Variants in CGNL1 observed in about 807,000 individuals in gnomAD.
CGNL1 encodes the protein cingulin like 1.
CGNL1 carries 132 observed loss-of-function variants against 141.2 expected under a neutral mutation model. The observed-to-expected ratio is 0.93, with a 90% CI of 0.81 to 1.08. CGNL1 has a LOEUF of 1.08. CGNL1 is among the 50% of genes least tolerant of loss of function. The pLI is 0.00. For missense variants in CGNL1, 1,870 were observed against 1,588.6 expected (o/e 1.18, Z -3.01); for synonymous variants, 690 against 622.1 (o/e 1.11, Z -1.63).
chr15:57,402,409 C>A (rs1315608856), intron 1 of CGNL1, among the ~76,000 whole-genome samples: 3 of 152,218 alleles, frequency 2.0e-5, no homozygotes, highest in African/African-American at 7.2e-5. Flanking sequence ...AAGTAAACCT[C>A]TTTTCTTTAT....
At chr15:57,504,817 T>C (rs1397088752) in intron 8 of CGNL1, among the ~76,000 whole-genome samples, 1 of 152,180 alleles carries the variant, frequency 6.6e-6, no homozygotes, top group African/African-American at 2.4e-5. Flanking sequence ...GGGAAGCACA[T>C]TGCATGTGCC....
At chr15:57,477,863 C>T (rs1444642217) in intron 8 of CGNL1, among the ~76,000 whole-genome samples, 1 of 152,138 alleles carries the variant, frequency 6.6e-6, no homozygotes, top group African/African-American at 2.4e-5. Flanking sequence ...GTGTACCATG[C>T]CCCTCCTGCT....
intron 8 of CGNL1, among the ~76,000 whole-genome samples, chr15:57,472,234 G>A (rs958628461): frequency 6.6e-6 from 1 of 152,054 alleles, no homozygotes; most frequent in African/African-American, 2.4e-5. Context: ...TCCAAGCAGA[G>A]GAAATAGCAT....
intron 14 of CGNL1, among the ~76,000 whole-genome samples, chr15:57,533,472 C>A (rs1352675713): frequency 6.6e-6 from 1 of 152,188 alleles, no homozygotes; most frequent in Non-Finnish European, 1.5e-5. Flanking sequence ...ATGTCAGGAT[C>A]CGCTAAACAT....
At chr15:57,436,644 G>A (rs576114641) in intron 1 of CGNL1, among the ~76,000 whole-genome samples, 1 of 152,150 alleles carries the variant, frequency 6.6e-6, no homozygotes, top group Admixed American at 6.5e-5. Flanking sequence ...AAGCGTCCAA[G>A]TCAAGGAGTC....
chr15:57,470,063 A>G (rs2063559682), intron 8 of CGNL1, among the ~76,000 whole-genome samples: 1 of 152,156 alleles, frequency 6.6e-6, no homozygotes, highest in Non-Finnish European at 1.5e-5. Context: ...TTAACTTCAA[A>G]TAATCAACTT....
At chr15:57,411,303 G>A (rs747198323) in intron 1 of CGNL1, among the ~76,000 whole-genome samples, 3 of 152,126 alleles carry the variant, frequency 2.0e-5, no homozygotes, top group African/African-American at 4.8e-5. Context: ...TCACTTGGAC[G>A]TTCTCTTGTA....
intron 3 of CGNL1, among the ~76,000 whole-genome samples, chr15:57,440,950 G>C (rs1211222936): frequency 9.9e-5 from 15 of 151,942 alleles, no homozygotes; most frequent in African/African-American, 3.1e-4. Context: ...TGCTTATCTT[G>C]GTGGTTGAGG....
intron 1 of CGNL1, among the ~76,000 whole-genome samples, chr15:57,396,280 T>TG (rs1397140294): frequency 1.9e-5 from 1 of 51,854 alleles, no homozygotes; most frequent in Non-Finnish European, 4.3e-5. Flanking sequence ...TTTCTTTGTT[T>TG]TTTTTTTTTT....
chr15:57,543,215 T>C (rs1183535390), intron 14 of CGNL1, among the ~76,000 whole-genome samples: 1 of 112,144 alleles, frequency 8.9e-6, no homozygotes, highest in Non-Finnish European at 1.8e-5. Flanking sequence ...ACCCCAATCC[T>C]CCATCTCCAC....
At chr15:57,406,848 GTATT>G (rs1237241521) in intron 1 of CGNL1, 2 of 152,248 alleles carry the variant, frequency 1.3e-5, no homozygotes, top group Non-Finnish European at 2.9e-5. Flanking sequence ...TTTCCTGAAT[GTATT>G]TATCAAAATA....
rs116702666 is a variant in CGNL1 at position 57,498,152 on chromosome 15, T to A, written c.2404-18628T>A. Among the ~76,000 whole-genome samples, 669 of 152,180 alleles carry A rather than the reference T, an allele frequency of 4.4e-3. 9 individuals are homozygous for A. Among genetic ancestry groups the A allele is most frequent in the Middle Eastern group, 0.017 (5 of 294 alleles). On this transcript the variant is annotated intron_variant, in intron 8 of 18. Transcript: ENST00000281282. ...GCTCCCTCACCTCCTCTTCATAGCA[T>A]TGGGTTCTTGTCTCCACTATAGAAT...
rs376987473 is a variant in CGNL1, at chr15:57,537,442, C to CT, written c.3291+5674dup. On this transcript the variant is annotated intron_variant, in intron 14 of 18. Transcript: ENST00000281282. ...AAGATCAGAGGGGGGTTTTCTTCTT[C>CT]TTTTTTTTTTTAATTGAAATGCTCC... Among the ~76,000 whole-genome samples, 1,341 of 146,258 alleles carry CT rather than the reference C, an allele frequency of 9.2e-3. 5 individuals carry two copies. The highest frequency in any genetic ancestry group is 0.018 in the African/African-American group (724 of 40,080).
intron 8 of CGNL1, among the ~76,000 whole-genome samples, chr15:57,494,098 A>C (rs1307407740): frequency 1.3e-5 from 2 of 152,230 alleles, no homozygotes; most frequent in Non-Finnish European, 2.9e-5. Context: ...AAAATCACTT[A>C]AAAAATAAAT....
chr15:57,538,750 G>A (rs574212412), intron 14 of CGNL1, among the ~76,000 whole-genome samples: 3 of 152,268 alleles, frequency 2.0e-5, no homozygotes, highest in East Asian at 1.9e-4. Flanking sequence ...CCCTCCATGC[G>A]CTCTCTGCAC....
At chr15:57,473,573 T>C (rs1465251117) in intron 8 of CGNL1, among the ~76,000 whole-genome samples, 2 of 152,184 alleles carry the variant, frequency 1.3e-5, no homozygotes, top group African/African-American at 2.4e-5. Flanking sequence ...TAGGATATTA[T>C]GGAAATGATG....
intron 9 of CGNL1, among the ~76,000 whole-genome samples, chr15:57,517,863 T>C (rs2030937385): frequency 1.3e-5 from 2 of 152,196 alleles, no homozygotes; most frequent in South Asian, 2.1e-4. Context: ...CACATGCTTT[T>C]TGGGGGACAC....
intron 14 of CGNL1, among the ~76,000 whole-genome samples, chr15:57,535,786 G>A (rs2032226610): frequency 6.6e-6 from 1 of 152,186 alleles, no homozygotes; most frequent in South Asian, 2.1e-4. Flanking sequence ...CCAGGGGTGG[G>A]GGTGAGGACT....
At chr15:57,402,147 G>A (rs1010696242) in intron 1 of CGNL1, 2 of 152,252 alleles carry the variant, frequency 1.3e-5, no homozygotes, top group Admixed American at 6.5e-5. Context: ...GGTGGGAGGT[G>A]TTTGGGTCAT....
Sources: gnomAD v4.1 joint callset for allele counts (sites outside exome capture counted in the v4.1 genomes callset) on GRCh38, gnomAD v4.1.1 for gene constraint, MANE v1.5 for transcripts, NCBI Gene and HGNC (gene_info 2026-07-23, HGNC 2026-07-21) for gene names.